TOP6BL: variants seen among roughly 807,000 people sequenced by gnomAD.
TOP6BL encodes type 2 DNA topoisomerase 6 subunit B-like.
At chr11:66,837,562 A>G in the TOP6BL span, among the ~76,000 whole-genome samples, 1 of 150,032 alleles carries the variant, frequency 6.7e-6, no homozygotes, top group African/African-American at 2.5e-5. Flanking sequence ...TTCCTGCCTC[A>G]GCCTCCTGAG....
chr11:66,769,610 C>T, the TOP6BL span, among the ~76,000 whole-genome samples: 3 of 151,934 alleles, frequency 2.0e-5, no homozygotes, highest in Non-Finnish European at 2.9e-5. Context: ...TGGTAAAGCC[C>T]CAACCCCCAG....
chr11:66,812,185 C>CTCTTTTTTTTTT, the TOP6BL span, among the ~76,000 whole-genome samples: 1 of 140,300 alleles, frequency 7.1e-6, no homozygotes, highest in Non-Finnish European at 1.5e-5. Flanking sequence ...GAGTTTGCAT[C>CTCTTTTTTTTTT]TTTTTTTTTG....
At chr11:66,826,411 G>A in the TOP6BL span, among the ~76,000 whole-genome samples, 10 of 152,160 alleles carry the variant, frequency 6.6e-5, no homozygotes, top group East Asian at 1.9e-3. Context: ...TGCTTATATA[G>A]TGGTTCAGTT....
the TOP6BL span, among the ~76,000 whole-genome samples, chr11:66,746,980 A>G: frequency 6.6e-6 from 1 of 151,354 alleles, no homozygotes. Context: ...GCTGTTGCCC[A>G]GGCTGGAGCG....
the TOP6BL span, among the ~76,000 whole-genome samples, chr11:66,793,452 T>G: frequency 2.7e-5 from 4 of 147,254 alleles, no homozygotes; most frequent in Non-Finnish European, 4.5e-5. Flanking sequence ...TTGTTTTTTT[T>G]TTTTTTTTTT....
chr11:66,781,598 C>T, the TOP6BL span, among the ~76,000 whole-genome samples: 1 of 152,136 alleles, frequency 6.6e-6, no homozygotes, highest in Non-Finnish European at 1.5e-5. Flanking sequence ...AGTGCAGTGG[C>T]ACAGTCATAG....
chr11:66,791,308 G>A, the TOP6BL span, among the ~76,000 whole-genome samples: 60 of 152,300 alleles, frequency 3.9e-4, no homozygotes, highest in Non-Finnish European at 6.9e-4. Flanking sequence ...GTGTTCATTA[G>A]GCTGGGTAAC....
the TOP6BL span, among the ~76,000 whole-genome samples, chr11:66,802,777 T>G: frequency 1.3e-5 from 2 of 152,324 alleles, no homozygotes; most frequent in East Asian, 3.9e-4. Flanking sequence ...CAGGTAATAA[T>G]TTCCCCACCC....
At chr11:66,795,302 CTTTT>C in the TOP6BL span, among the ~76,000 whole-genome samples, 27 of 136,668 alleles carry the variant, frequency 2.0e-4, no homozygotes, top group African/African-American at 6.9e-4. Context: ...TTCTTTCCTT[CTTTT>C]TTTTTTTTTT....
chr11:66,762,023 A>G, the TOP6BL span: 3 of 1,516,258 alleles, frequency 2.0e-6, no homozygotes, highest in East Asian at 4.5e-5. Flanking sequence ...TGAAAGTGAC[A>G]GTGATTTTTT....
At chr11:66,744,876 G>T in the TOP6BL span, 1 of 1,302,910 alleles carries the variant, frequency 7.7e-7, no homozygotes, top group South Asian at 2.7e-5. Flanking sequence ...CGTTGCCGCT[G>T]TTCCCTGCGC....
At chr11:66,758,139 A>C in the TOP6BL span, 1 of 984,756 alleles carries the variant, frequency 1.0e-6, no homozygotes, top group Non-Finnish European at 1.2e-6. Context: ...ATTCAATTTG[A>C]AAATAAAAAG....
At chr11:66,841,110 ATTTTTTTTTTT>A in the TOP6BL span, among the ~76,000 whole-genome samples, 5 of 84,628 alleles carry the variant, frequency 5.9e-5, no homozygotes, top group African/African-American at 2.4e-4. Context: ...GAGGCCTCTC[ATTTTTTTTTTT>A]TTTTTTTTTT....
At chr11:66,758,302 C>CTTTTTTTTTTTTTTTTTT in the TOP6BL span, 171 of 67,328 alleles carry the variant, frequency 2.5e-3, 42 homozygotes, top group Non-Finnish European at 2.8e-3. Flanking sequence ...TTTTCTTTTT[C>CTTTTTTTTTTTTTTTTTT]TTTTTTTTTT....
At chr11:66,841,351 C>T in the TOP6BL span, among the ~76,000 whole-genome samples, 33 of 151,920 alleles carry the variant, frequency 2.2e-4, no homozygotes, top group African/African-American at 7.5e-4. Context: ...CTCCTGACCT[C>T]GTGATCTGCC....
the TOP6BL span, among the ~76,000 whole-genome samples, chr11:66,790,730 G>A: frequency 6.6e-6 from 1 of 152,146 alleles, no homozygotes; most frequent in Non-Finnish European, 1.5e-5. Context: ...TCCAAGCCGT[G>A]GCCATGGAAA....
chr11:66,792,718 A>G, the TOP6BL span, among the ~76,000 whole-genome samples: 1 of 152,212 alleles, frequency 6.6e-6, no homozygotes, highest in South Asian at 2.1e-4. Flanking sequence ...CTTGACATGT[A>G]GCAAGTAGTC....
the TOP6BL span, chr11:66,843,445 G>T: frequency 1.8e-3 from 2,538 of 1,401,308 alleles, 5 homozygotes; most frequent in Non-Finnish European, 2.1e-3. Context: ...CGCGCCGCGG[G>T]TCAGGGCGCA....
At chr11:66,799,895 T>C in the TOP6BL span, among the ~76,000 whole-genome samples, 2 of 151,548 alleles carry the variant, frequency 1.3e-5, no homozygotes, top group South Asian at 4.2e-4. Context: ...GCCTGGGCAA[T>C]ATGGTGAAAC....
Sources: gnomAD v4.1 joint callset for allele counts (sites outside exome capture counted in the v4.1 genomes callset) on GRCh38, gnomAD v4.1.1 for gene constraint, MANE v1.5 for transcripts, NCBI Gene and HGNC (gene_info 2026-07-23, HGNC 2026-07-21) for gene names.